The following FER variants were observed in gnomAD, a reference collection of about 807,000 sequenced individuals.
FER encodes FER tyrosine kinase.
In FER, 63 loss-of-function variants were observed where a neutral mutation model predicts 111.0. That is an observed-to-expected ratio of 0.57 (90% CI 0.46 to 0.70). The LOEUF (loss-of-function observed/expected upper bound fraction) is 0.70, where lower values mean the gene tolerates loss of function less well. Ranked by LOEUF, FER falls within the 30% of genes least tolerant of loss-of-function variation. The pLI is 0.00. For missense variants in FER, 914 were observed against 954.0 expected, an observed-to-expected ratio of 0.96 and a Z score of 0.55; for synonymous variants, 327 against 313.9, an observed-to-expected ratio of 1.04 and a Z score of -0.44.
intron 2 of FER, among the ~76,000 whole-genome samples, chr5:108,789,202 C>T (rs1009396096): frequency 2.0e-5 from 3 of 152,166 alleles, no homozygotes; most frequent in African/African-American, 7.2e-5. Flanking sequence ...TATTCATGAT[C>T]TTGGTTTTCA....
intron 6 of FER, among the ~76,000 whole-genome samples, chr5:108,869,096 A>G (rs920983875): frequency 6.6e-6 from 1 of 152,146 alleles, no homozygotes; most frequent in African/African-American, 2.4e-5. Context: ...CTAGTCATAA[A>G]TGGGTTAATA....
intron 1 of FER, among the ~76,000 whole-genome samples, chr5:108,760,832 T>A (rs1751651417): frequency 6.6e-6 from 1 of 152,260 alleles, no homozygotes; most frequent in Admixed American, 6.5e-5. Context: ...ATTTGCGTGT[T>A]CACTGGAGGA....
intron 1 of FER, among the ~76,000 whole-genome samples, 164 bp from the exon 2 acceptor site, chr5:108,767,929 A>G (rs768997320): frequency 1.3e-5 from 2 of 152,224 alleles, no homozygotes; most frequent in African/African-American, 2.4e-5. Context: ...GGAGTAAGCA[A>G]TGGATAGATA....
chr5:108,779,577 TTCAAA>T, intron 2 of FER, among the ~76,000 whole-genome samples: 1 of 152,328 alleles, frequency 6.6e-6, no homozygotes, highest in Non-Finnish European at 1.5e-5. Flanking sequence ...TGTTTTTACT[TTCAAA>T]TTGTACTTGT....
At chr5:108,831,825 A>G (rs559004888) in intron 3 of FER, among the ~76,000 whole-genome samples, 1 of 152,362 alleles carries the variant, frequency 6.6e-6, no homozygotes, top group South Asian at 2.1e-4. Flanking sequence ...ATCAAAAATA[A>G]TAGAGTAGAA....
chr5:108,946,380 A>C (rs546870599), intron 11 of FER, among the ~76,000 whole-genome samples, 158 bp downstream of exon 11: 2 of 151,874 alleles, frequency 1.3e-5, no homozygotes, highest in Non-Finnish European at 2.9e-5. Context: ...GCATAATTTA[A>C]CTTTTTGTGT....
At chr5:109,067,596 A>G (rs532098619) in intron 16 of FER, among the ~76,000 whole-genome samples, 94 of 152,096 alleles carry the variant, frequency 6.2e-4, no homozygotes, top group African/African-American at 2.2e-3. Flanking sequence ...GATTTAATCT[A>G]TTCTTTTAGC....
chr5:108,824,643 G>T (rs899546744), intron 3 of FER, among the ~76,000 whole-genome samples: 1 of 151,756 alleles, frequency 6.6e-6, no homozygotes, highest in African/African-American at 2.4e-5. Flanking sequence ...TATACTCCTG[G>T]CAGGAAAAGA....
rs1385788722 is a variant in FER, at chr5:109,193,835, C to T, written c.*6260C>T. On this transcript the variant is annotated 3_prime_UTR_variant, in exon 20 of 20. Transcript: ENST00000281092. ...CCTCAGGTACTTGGGGGCCCCTAGCCTTCTAAGGAACTCCCAGGCACCTAC... is the reference window on the plus strand; with the variant it reads ...CCTCAGGTACTTGGGGGCCCCTAGCTTTCTAAGGAACTCCCAGGCACCTAC... 1 of 152,136 alleles carries T rather than the reference C, an allele frequency of 6.6e-6. No individual in the cohort carries two copies. Among genetic ancestry groups the T allele is most frequent in the Non-Finnish European group, 1.5e-5 (1 of 68,034 alleles). The allele number at this position is 152,136 out of a possible 1,614,324, so 9.4% of individuals were successfully genotyped here.
intron 13 of FER, among the ~76,000 whole-genome samples, chr5:109,018,535 T>C (rs1767497211): frequency 6.6e-6 from 1 of 151,802 alleles, no homozygotes; most frequent in South Asian, 2.1e-4. Flanking sequence ...ATCAAAGACT[T>C]GTCCCACAAT....
intron 13 of FER, among the ~76,000 whole-genome samples, chr5:108,966,092 A>G (rs887846543): frequency 3.3e-5 from 5 of 152,238 alleles, no homozygotes; most frequent in African/African-American, 1.2e-4. Flanking sequence ...GATGTTCCAT[A>G]AATGATACTT....
chr5:108,905,425 A>G (rs1268580161), intron 10 of FER, among the ~76,000 whole-genome samples: 1 of 152,206 alleles, frequency 6.6e-6, no homozygotes, highest in African/African-American at 2.4e-5. Flanking sequence ...AACTAGCCCT[A>G]GAAGGATATA....
rs535046242 is a variant in FER at position 108,833,321 on chromosome 5, C to T, written c.381+378C>T. ...ATTACTTTTGGTATTCTTAAATTTA[C>T]GTATCCCTCATTTTCCCTACATTCG... On this transcript the variant is annotated intron_variant, in intron 4 of 19. Transcript: ENST00000281092. Among the ~76,000 whole-genome samples the T allele has an allele frequency of 4.6e-5, 7 of 152,198 alleles. No individual in the cohort carries two copies. The East Asian group carries it at 5.8e-4, about 13-fold the overall frequency.
At chr5:109,156,464 T>C (rs1190314583) in intron 17 of FER, among the ~76,000 whole-genome samples, 1 of 151,994 alleles carries the variant, frequency 6.6e-6, no homozygotes, top group African/African-American at 2.4e-5. Context: ...TAGAGCTATC[T>C]GGAGGCACCT....
At chr5:108,780,292 C>T (rs1753911735) in intron 2 of FER, among the ~76,000 whole-genome samples, 1 of 152,038 alleles carries the variant, frequency 6.6e-6, no homozygotes, top group Admixed American at 6.6e-5. Flanking sequence ...CTACTGGCAA[C>T]AAATTCCCTC....
chr5:109,098,091 G>GT (rs199524724), intron 16 of FER, among the ~76,000 whole-genome samples: 1,809 of 151,878 alleles, frequency 0.012, 18 homozygotes, highest in Non-Finnish European at 0.02. Flanking sequence ...AACCCCTTGT[G>GT]TATCTTTGAC....
intron 14 of FER, among the ~76,000 whole-genome samples, chr5:109,043,981 G>GA (rs1313294141): frequency 1.3e-5 from 2 of 150,946 alleles, no homozygotes; most frequent in Admixed American, 6.6e-5. Context: ...GAAAAAAAAA[G>GA]AAAAAAAAGT....
chr5:109,145,055 G>A (rs1028361359), intron 17 of FER, among the ~76,000 whole-genome samples: 1 of 151,202 alleles, frequency 6.6e-6, no homozygotes, highest in Non-Finnish European at 1.5e-5. Context: ...TTATGAAAAT[G>A]TAGTTAAGCT....
At chr5:109,147,448 A>AT (rs1227260538) in intron 17 of FER, among the ~76,000 whole-genome samples, 1 of 151,988 alleles carries the variant, frequency 6.6e-6, no homozygotes, top group Non-Finnish European at 1.5e-5. Flanking sequence ...ATTCTGTGAA[A>AT]TTACAGGCAT....
Sources: allele counts gnomAD v4.1 joint callset (sites outside exome capture counted in the v4.1 genomes callset), GRCh38; gene constraint gnomAD v4.1.1; transcripts MANE v1.5; gene names NCBI Gene and HGNC (gene_info 2026-07-23, HGNC 2026-07-21).